The following GRIA4 variants were observed in gnomAD, a reference collection of about 807,000 sequenced individuals.
GRIA4 encodes the protein glutamate receptor 4.
Under a neutral mutation model 104.0 loss-of-function variants are expected in GRIA4, and 34 were observed. The observed-to-expected ratio is 0.33, with a 90% CI of 0.25 to 0.44. The LOEUF (loss-of-function observed/expected upper bound fraction) is 0.44. GRIA4 is among the 20% of genes least tolerant of loss of function. GRIA4 has a pLI of 1.00. For synonymous variants in GRIA4, 386 were observed against 381.9 expected, an observed-to-expected ratio of 1.01 and a Z score of -0.13; for missense variants, 750 against 1,096.5, an observed-to-expected ratio of 0.68 and a Z score of 4.46.
intron 3 of GRIA4, among the ~76,000 whole-genome samples, chr11:105,637,454 G>C (rs570674490): frequency 7.3e-6 from 1 of 136,756 alleles, no homozygotes; most frequent in African/African-American, 2.8e-5. Context: ...GTTTGCATTT[G>C]TTAGCACAAT....
intron 3 of GRIA4, among the ~76,000 whole-genome samples, chr11:105,686,344 G>A (rs1044960326): frequency 9.9e-5 from 15 of 152,116 alleles, no homozygotes; most frequent in African/African-American, 2.2e-4. Flanking sequence ...ATGTTCCTGC[G>A]TTAATTCACT....
At chr11:105,731,932 G>A (rs1487962141) in intron 3 of GRIA4, among the ~76,000 whole-genome samples, 1 of 152,072 alleles carries the variant, frequency 6.6e-6, no homozygotes, top group Non-Finnish European at 1.5e-5. Flanking sequence ...TGTAGATGAT[G>A]GGTCGATGGG....
At chr11:105,797,070 A>C (rs1297709551) in intron 4 of GRIA4, among the ~76,000 whole-genome samples, 2 of 151,942 alleles carry the variant, frequency 1.3e-5, no homozygotes, top group Non-Finnish European at 2.9e-5. Context: ...AAAGTCCGGC[A>C]TGGTGGTGCA....
chr11:105,911,902 A>T lies in GRIA4; in HGVS notation c.1269+1357A>T, dbSNP rs772374510. The T allele has an allele frequency of 3.2e-6, 5 of 1,562,002 alleles. No homozygotes were observed. In the South Asian group the frequency reaches 5.6e-5, roughly 18 times the overall value. On this transcript the variant is annotated intron_variant, in intron 10 of 16. Coordinates refer to ENST00000282499, the MANE Select transcript of GRIA4 (RefSeq NM_000829.4). The stretch of plus-strand genomic sequence containing the variant: ...CTCTGATGAAGAATCCTATTTTAAG[A>T]AATTGATCAAGAAAGAAAAGAGTTC...
intron 3 of GRIA4, among the ~76,000 whole-genome samples, chr11:105,733,395 T>C (rs538542085): frequency 1.8e-4 from 27 of 152,200 alleles, no homozygotes; most frequent in Non-Finnish European, 3.8e-4. Context: ...GAGATTTTTG[T>C]ATCTTTAAGG....
intron 3 of GRIA4, among the ~76,000 whole-genome samples, chr11:105,692,514 T>G (rs1276314918): frequency 6.6e-6 from 1 of 152,236 alleles, no homozygotes; most frequent in East Asian, 1.9e-4. Flanking sequence ...AAGATCAACC[T>G]GGAAAAATCC....
intron 3 of GRIA4, among the ~76,000 whole-genome samples, chr11:105,642,204 C>T (rs1027981288): frequency 3.3e-5 from 5 of 152,082 alleles, no homozygotes; most frequent in African/African-American, 7.2e-5. Flanking sequence ...GCTTTAGAGG[C>T]ACACAATTTA....
In GRIA4 at chr11:105,933,952, C is replaced by A; in HGVS notation, c.2277C>A (p.Pro759=). Residue 759 remains proline, a synonymous_variant, in exon 14 of 17, where the codon CCC becomes CCA. Coordinates refer to ENST00000282499, the MANE Select transcript of GRIA4 (RefSeq NM_000829.4). The part of the protein sequence containing the change: ...LDSKGYGVAT[P]KGSSLRTPVN... The stretch of plus-strand genomic sequence containing the variant: ...CCAAAGGCTATGGAGTAGCAACGCC[C>A]AAGGGTTCCTCATTAAGGTGGGTGG... The A allele has an allele frequency of 6.2e-7, 1 of 1,612,580 alleles. No homozygotes were observed. The highest frequency in any genetic ancestry group is 8.5e-7 in the Non-Finnish European group (1 of 1,178,998).
At chr11:105,697,605 C>T (rs1291216392) in intron 3 of GRIA4, among the ~76,000 whole-genome samples, 1 of 152,172 alleles carries the variant, frequency 6.6e-6, no homozygotes, top group Non-Finnish European at 1.5e-5. Context: ...ACAAGAAGAC[C>T]TGAATTGTTT....
intron 14 of GRIA4, among the ~76,000 whole-genome samples, chr11:105,938,353 T>C (rs1948102888): frequency 6.6e-6 from 1 of 152,178 alleles, no homozygotes; most frequent in South Asian, 2.1e-4. Context: ...AGTCTTTTTT[T>C]GGTATTATAA....
chr11:105,963,849 C>A (rs1948798064), intron 14 of GRIA4, among the ~76,000 whole-genome samples: 1 of 151,914 alleles, frequency 6.6e-6, no homozygotes, highest in African/African-American at 2.4e-5. Flanking sequence ...GGTTAATAAC[C>A]CTGTTAAATA....
At chr11:105,823,752 G>T (rs573955799) in intron 4 of GRIA4, among the ~76,000 whole-genome samples, 2 of 152,202 alleles carry the variant, frequency 1.3e-5, no homozygotes, top group East Asian at 3.9e-4. Context: ...AGGTTTTTGA[G>T]ACGGGATTTT....
At chr11:105,892,632 A>C (rs1946497954) in intron 6 of GRIA4, among the ~76,000 whole-genome samples, 1 of 152,068 alleles carries the variant, frequency 6.6e-6, no homozygotes, top group Non-Finnish European at 1.5e-5. Flanking sequence ...ATTTTTATTG[A>C]CGTGCAGTGA....
chr11:105,763,395 G>A (rs1419290626), intron 4 of GRIA4, among the ~76,000 whole-genome samples: 1 of 152,152 alleles, frequency 6.6e-6, no homozygotes, highest in Non-Finnish European at 1.5e-5. Flanking sequence ...CTGTACCACT[G>A]TGTATTTATT....
intron 3 of GRIA4, among the ~76,000 whole-genome samples, chr11:105,637,330 A>C (rs1951232675): frequency 6.6e-6 from 1 of 152,176 alleles, no homozygotes; most frequent in Non-Finnish European, 1.5e-5. Flanking sequence ...CAATTTTATT[A>C]TAATATAATT....
In GRIA4 at chr11:105,933,835, C is replaced by A. The variant is rs756893816; in HGVS notation, c.2160C>A (p.Gly720=). 6.2e-7 allele frequency: 1 copy of A among 1,613,538 alleles called. No individual in the cohort carries two copies. The highest frequency in any genetic ancestry group is 8.5e-7 in the Non-Finnish European group (1 of 1,179,672). The stretch of plus-strand genomic sequence containing the variant: ...TAGCTCGTGTCCGCAAATCCAAGGG[C>A]AAATTTGCCTTTCTCCTGGAGTCCA... ...EGVARVRKSK[G]KFAFLLESTM... The change falls in exon 14 of 17, where the codon GGC becomes GGA. Residue 720 remains glycine (G), a synonymous_variant. Coordinates refer to ENST00000282499, the MANE Select transcript of GRIA4 (RefSeq NM_000829.4).
chr11:105,639,625 CTTTTCACA>C (rs1206704625), intron 3 of GRIA4, among the ~76,000 whole-genome samples: 1 of 151,912 alleles, frequency 6.6e-6, no homozygotes, highest in African/African-American at 2.4e-5. Context: ...TGCTATCATA[CTTTTCACA>C]TTAAAATAAA....
At chr11:105,899,342 T>C (rs987101794) in intron 7 of GRIA4, among the ~76,000 whole-genome samples, 12 of 152,200 alleles carry the variant, frequency 7.9e-5, no homozygotes, top group Admixed American at 6.5e-5. Context: ...AGCACTGTTG[T>C]CCAATCCTTT....
rs182873951 is a variant in GRIA4 at position 105,780,441 on chromosome 11, C to T, written c.487+27221C>T. On this transcript the variant is annotated intron_variant, in intron 4 of 16. Coordinates refer to ENST00000282499, the MANE Select transcript of GRIA4 (RefSeq NM_000829.4). The stretch of plus-strand genomic sequence containing the variant: ...ATCTGCATTCATGCAGGTAAATTCA[C>T]TGGTTCTCTACAACACTGCAAAAGA... 2.0e-5 allele frequency among the ~76,000 whole-genome samples: 3 copies of T among 152,272 alleles called. No homozygotes were observed. In the East Asian group the frequency reaches 5.8e-4, roughly 29 times the overall value.
Sources: gnomAD v4.1 joint callset for allele counts (sites outside exome capture counted in the v4.1 genomes callset) on GRCh38, gnomAD v4.1.1 for gene constraint, MANE v1.5 for transcripts, NCBI Gene and HGNC (gene_info 2026-07-23, HGNC 2026-07-21) for gene names.